DNAH6: variants seen among roughly 807,000 people sequenced by gnomAD.
DNAH6 encodes the protein axonemal beta dynein heavy chain 6.
DNAH6 carries 340 observed loss-of-function variants against 491.4 expected under a neutral mutation model. The observed-to-expected ratio is 0.69, with a 90% CI of 0.63 to 0.76. The LOEUF is 0.76. Among genes scored for constraint, DNAH6 ranks in the 30% least tolerant of loss-of-function variants. DNAH6 has a pLI of 0.00. For missense variants in DNAH6, 4,443 were observed against 4,972.2 expected, an observed-to-expected ratio of 0.89 and a Z score of 3.20; for synonymous variants, 1,603 against 1,686.1, an observed-to-expected ratio of 0.95 and a Z score of 1.21.
At chr2:84,517,056 C>G (rs1573472769) in intron 1 of DNAH6, among the ~76,000 whole-genome samples, 1 of 152,180 alleles carries the variant, frequency 6.6e-6, no homozygotes, top group East Asian at 1.9e-4. Context: ...AAATTGCATA[C>G]AAAGCTCTCA....
In DNAH6 at chr2:84,621,534, GA is replaced by G. The variant is rs1477875577; in HGVS notation, c.4059del (p.Val1354Ter). 3 of 1,517,176 alleles carry G rather than the reference GA, an allele frequency of 2.0e-6. No individual in the cohort carries two copies. The highest frequency in any genetic ancestry group is 2.7e-6 in the Non-Finnish European group (3 of 1,121,332). 94.0% of individuals were successfully genotyped at this position (1,517,176 alleles called of 1,614,324 possible). On this transcript the variant is annotated frameshift_variant, in exon 26 of 77. Coordinates refer to ENST00000389394, the MANE Select transcript of DNAH6 (RefSeq NM_001370.2). LOFTEE classifies it high-confidence loss of function. ...TCATATACAGGCCCTGAAGAATTTTGAAAAAGTAAATTTTGAGGTGAGATCT... is the reference window on the plus strand; with the variant it reads ...TCATATACAGGCCCTGAAGAATTTTGAAAAGTAAATTTTGAGGTGAGATCT... ...SNHIQALKNF[E>X]KVNFERLNAL...
intron 56 of DNAH6, among the ~76,000 whole-genome samples, chr2:84,711,767 C>G (rs1697069005): frequency 1.3e-5 from 2 of 152,222 alleles, no homozygotes; most frequent in Admixed American, 1.3e-4. Flanking sequence ...CTCAGTGTGA[C>G]CAAGCTTGGC....
In DNAH6 at chr2:84,722,782, A is replaced by G; in HGVS notation, c.9950A>G (p.Tyr3317Cys). ...SLSEIDPMYQYSLKYFKQLFN... is the reference protein window; with the variant it reads ...SLSEIDPMYQCSLKYFKQLFN... ...TCAGAAATAGATCCTATGTACCAGTACTCATTAAAATACTTTAAACAGGTA... is the reference window on the plus strand; with the variant it reads ...TCAGAAATAGATCCTATGTACCAGTGCTCATTAAAATACTTTAAACAGGTA... The change falls in exon 60 of 77, where the codon TAC becomes TGC. Residue 3317 changes from tyrosine (Y) to cysteine (C), a missense_variant. Physicochemically the swap from Tyr to Cys is radical, Grantham distance 194. Coordinates refer to ENST00000389394, the MANE Select transcript of DNAH6 (RefSeq NM_001370.2). The G allele has an allele frequency of 1.3e-6, 2 of 1,507,332 alleles. No individual in the cohort carries two copies. The highest frequency in any genetic ancestry group is 1.8e-6 in the Non-Finnish European group (2 of 1,130,822). 93.4% of individuals were successfully genotyped at this position (1,507,332 alleles called of 1,614,324 possible).
chr2:84,692,714 C>A (rs1694991786), intron 45 of DNAH6, among the ~76,000 whole-genome samples: 1 of 151,974 alleles, frequency 6.6e-6, no homozygotes, highest in South Asian at 2.1e-4. Flanking sequence ...TACTAATATC[C>A]CTTCCCCCTT....
At chr2:84,558,009 TTTC>T in intron 11 of DNAH6, 74 bp downstream of exon 11, 1 of 1,009,238 alleles carries the variant, frequency 9.9e-7, no homozygotes, top group South Asian at 2.1e-5. Flanking sequence ...ATATTTTTTC[TTTC>T]TTATCTTTAA....
Position 84,669,440 on chromosome 2 carries a change from G to C in DNAH6, c.6236G>C (p.Gly2079Ala). The change falls in exon 38 of 77, where the codon GGG becomes GCG. Residue 2079 changes from glycine to alanine, a missense_variant. By Grantham distance (60) the Gly-to-Ala change is moderately conservative. Transcript: ENST00000389394. ...LVPTTDTVRY[G>A]YLMEKLLAVK... ...CCCACAACTGACACAGTGCGCTATG[G>C]GTATCTAATGGAAAAACTACTGGCA... The C allele has an allele frequency of 6.4e-7, 1 of 1,551,894 alleles. No individual in the cohort carries two copies. The highest frequency in any genetic ancestry group is 8.7e-7 in the Non-Finnish European group (1 of 1,147,006).
intron 18 of DNAH6, among the ~76,000 whole-genome samples, chr2:84,599,322 T>G (rs962044960): frequency 1.3e-5 from 2 of 150,180 alleles, no homozygotes; most frequent in Non-Finnish European, 3.0e-5. Flanking sequence ...GCAAAAAGTT[T>G]TAATTTCAAT....
the DNAH6 span, among the ~76,000 whole-genome samples, chr2:84,487,637 A>G: frequency 6.6e-6 from 1 of 152,200 alleles, no homozygotes; most frequent in South Asian, 2.1e-4. Context: ...TTGTGGTTAA[A>G]TCTTGAGCAG....
the DNAH6 span, among the ~76,000 whole-genome samples, chr2:84,510,651 T>C: frequency 6.6e-6 from 1 of 152,230 alleles, no homozygotes; most frequent in Non-Finnish European, 1.5e-5. Flanking sequence ...AGAGGCGCTC[T>C]GATTTTTAGA....
chr2:84,773,300 A>T (rs910716062), intron 64 of DNAH6, among the ~76,000 whole-genome samples: 2 of 151,988 alleles, frequency 1.3e-5, no homozygotes, highest in Non-Finnish European at 2.9e-5. Context: ...CCCCTTATAA[A>T]TGAGAACATG....
chr2:84,533,630 A>G (rs565115717), intron 4 of DNAH6, among the ~76,000 whole-genome samples: 56 of 152,280 alleles, frequency 3.7e-4, no homozygotes, highest in Non-Finnish European at 6.6e-4. Context: ...TAGTGGGCAT[A>G]TCTATCCAAA....
chr2:84,718,297 C>A lies in DNAH6; in HGVS notation c.9705C>A (p.Ile3235=), dbSNP rs966417362. The A allele has an allele frequency of 5.8e-6, 9 of 1,551,054 alleles. No individual in the cohort carries two copies. The highest frequency in any genetic ancestry group is 7.8e-6 in the Non-Finnish European group (9 of 1,146,702). ...INTDKNQLKT[I]EEKILRMLFT... ...CTGATAAAAACCAGTTGAAAACTATCGAAGAGAAAATCCTGAGAATGCTCT... is the reference window on the plus strand; with the variant it reads ...CTGATAAAAACCAGTTGAAAACTATAGAAGAGAAAATCCTGAGAATGCTCT... The change falls in exon 59 of 77, where the codon ATC becomes ATA. Residue 3235 remains isoleucine, a synonymous_variant. Coordinates refer to ENST00000389394, the MANE Select transcript of DNAH6 (RefSeq NM_001370.2).
chr2:84,542,080 G>T (rs934483934), intron 4 of DNAH6, among the ~76,000 whole-genome samples: 2 of 152,076 alleles, frequency 1.3e-5, no homozygotes, highest in African/African-American at 4.8e-5. Context: ...CAAATAAAAG[G>T]AATTCCTAAG....
At chr2:84,705,008 G>A (rs1032922345) in intron 51 of DNAH6, among the ~76,000 whole-genome samples, 1 of 152,152 alleles carries the variant, frequency 6.6e-6, no homozygotes, top group African/African-American at 2.4e-5. Context: ...GTGGGCAGAA[G>A]GGACTGAGAA....
At chr2:84,687,237 C>T (rs1054859163) in intron 44 of DNAH6, among the ~76,000 whole-genome samples, 2 of 152,200 alleles carry the variant, frequency 1.3e-5, no homozygotes, top group African/African-American at 4.8e-5. Flanking sequence ...TATCTCACTG[C>T]CCTGCCTACA....
At chr2:84,780,018 G>A (rs548271841) in intron 64 of DNAH6, among the ~76,000 whole-genome samples, 2 of 152,150 alleles carry the variant, frequency 1.3e-5, no homozygotes, top group Non-Finnish European at 2.9e-5. Context: ...TAGCCTGATA[G>A]GACGACCTTT....
rs182703085 is a variant in DNAH6 at position 84,672,906 on chromosome 2, G to A, written c.6612+422G>A. ...GACACAATTCAGTCCATAACATGTG[G>A]CCTCAGTTTTTCCTCCATGTAATTC... is the stretch of plus-strand genomic sequence containing the variant. On this transcript the variant is annotated intron_variant, in intron 40 of 76. Coordinates refer to ENST00000389394, the MANE Select transcript of DNAH6 (RefSeq NM_001370.2). Among the ~76,000 whole-genome samples the A allele has an allele frequency of 3.5e-3, 537 of 152,274 alleles. 1 individual carries two copies. Among genetic ancestry groups the A allele is most frequent in the African/African-American group, 0.012 (489 of 41,548 alleles).
chr2:84,478,908 G>A, the DNAH6 span, among the ~76,000 whole-genome samples: 1 of 152,166 alleles, frequency 6.6e-6, no homozygotes, highest in African/African-American at 2.4e-5. Context: ...AGCAGGAAGG[G>A]GAGCTGAAAA....
the DNAH6 span, among the ~76,000 whole-genome samples, chr2:84,464,263 C>T: frequency 3.3e-5 from 5 of 152,178 alleles, no homozygotes; most frequent in African/African-American, 4.8e-5. Flanking sequence ...TTTCAGCCTC[C>T]GTGGGCTACA....
Sources: allele counts gnomAD v4.1 joint callset (sites outside exome capture counted in the v4.1 genomes callset), GRCh38; gene constraint gnomAD v4.1.1; transcripts MANE v1.5; gene names NCBI Gene and HGNC (gene_info 2026-07-23, HGNC 2026-07-21).